TSHZ2: variants seen among roughly 807,000 people sequenced by gnomAD.
TSHZ2 encodes the protein teashirt zinc finger homeobox 2.
A neutral mutation model predicts 74.4 loss-of-function variants in TSHZ2; 21 were observed. The observed-to-expected ratio is 0.28, with a 90% CI of 0.20 to 0.41. The LOEUF is 0.41. TSHZ2 is among the 10% of genes least tolerant of loss of function. TSHZ2 has a pLI of 1.00. For synonymous variants in TSHZ2, 540 were observed against 515.3 expected (o/e 1.05, Z -0.65); for missense variants, 1,244 against 1,293.5 (o/e 0.96, Z 0.59).
At chr20:53,465,419 C>T (rs1985525281) in intron 2 of TSHZ2, among the ~76,000 whole-genome samples, 1 of 152,014 alleles carries the variant, frequency 6.6e-6, no homozygotes, top group African/African-American at 2.4e-5. Flanking sequence ...TACAGGCACC[C>T]ACCACCACAC....
Position 52,973,304 on chromosome 20 carries a change from G to C in TSHZ2, c.11G>C (p.Arg4Thr). 1 of 1,551,536 alleles carries C rather than the reference G, an allele frequency of 6.4e-7. No individual in the cohort carries two copies. The highest frequency in any genetic ancestry group is 1.2e-5 in the South Asian group (1 of 84,148). The change falls in exon 1 of 3, where the codon AGA (arginine) becomes ACA (threonine). Residue 4 changes from arginine to threonine, a missense_variant. Transcript: ENST00000371497. Reference sequence around the variant, plus strand: ...GGAGCGAAGTAGAGGATGCCGAGGAGAAAACAGCAGGCACCCAAGCGGGCG... The same window carrying C: ...GGAGCGAAGTAGAGGATGCCGAGGACAAAACAGCAGGCACCCAAGCGGGCG... MPRRKQQAPKRAAG... is the reference protein window; with the variant it reads MPRTKQQAPKRAAG...
At chr20:53,131,119 T>G (rs1432633446) in intron 1 of TSHZ2, among the ~76,000 whole-genome samples, 1 of 152,222 alleles carries the variant, frequency 6.6e-6, no homozygotes, top group Non-Finnish European at 1.5e-5. Context: ...CAGATTAGGT[T>G]GTTTATGATT....
intron 1 of TSHZ2, among the ~76,000 whole-genome samples, chr20:53,064,879 C>T (rs989772386): frequency 6.6e-6 from 1 of 152,160 alleles, no homozygotes; most frequent in African/African-American, 2.4e-5. Flanking sequence ...GATGGTAAGA[C>T]TTCTAAAGTG....
chr20:53,188,869 C>G (rs1988665629), intron 1 of TSHZ2, among the ~76,000 whole-genome samples: 1 of 151,908 alleles, frequency 6.6e-6, no homozygotes, highest in African/African-American at 2.4e-5. Context: ...AATTATATAC[C>G]TACTGTATAC....
At chr20:53,401,825 G>A (rs60070321) in intron 2 of TSHZ2, among the ~76,000 whole-genome samples, 11,740 of 131,888 alleles carry the variant, frequency 0.089, 1,536 homozygotes, top group African/African-American at 0.3. Flanking sequence ...CTCTGTTGCC[G>A]AGGCTGGAGT....
intron 1 of TSHZ2, among the ~76,000 whole-genome samples, chr20:52,990,408 T>C (rs1981936359): frequency 2.6e-5 from 3 of 117,300 alleles, no homozygotes; most frequent in South Asian, 5.9e-4. Context: ...AATATATCAA[T>C]AATCCCAATA....
intron 1 of TSHZ2, among the ~76,000 whole-genome samples, chr20:53,232,861 A>G (rs1989859639): frequency 6.6e-6 from 1 of 152,146 alleles, no homozygotes; most frequent in Non-Finnish European, 1.5e-5. Flanking sequence ...CTAAGCTAAG[A>G]GGCCATTCAG....
At chr20:53,198,415 C>A (rs1044120769) in intron 1 of TSHZ2, 3 of 152,044 alleles carry the variant, frequency 2.0e-5, no homozygotes, top group South Asian at 2.1e-4. Flanking sequence ...CTCAAAACAC[C>A]CTAGGAAGTA....
intron 1 of TSHZ2, among the ~76,000 whole-genome samples, chr20:53,170,342 A>C (rs569202116): frequency 1.3e-5 from 2 of 152,340 alleles, no homozygotes; most frequent in East Asian, 3.9e-4. Flanking sequence ...ATTCTGAAAG[A>C]GTTTTGTTCA....
At chr20:53,166,305 G>T (rs1988060558) in intron 1 of TSHZ2, among the ~76,000 whole-genome samples, 1 of 152,100 alleles carries the variant, frequency 6.6e-6, no homozygotes, top group Non-Finnish European at 1.5e-5. Context: ...TCTAAGTGTG[G>T]TGCACACAGA....
At chr20:53,435,066 C>G (rs1391255594) in intron 2 of TSHZ2, among the ~76,000 whole-genome samples, 1 of 152,182 alleles carries the variant, frequency 6.6e-6, no homozygotes, top group Non-Finnish European at 1.5e-5. Context: ...TCCCAAACAA[C>G]AAAAAAGACA....
At chr20:53,385,277 T>G (rs572847219) in intron 2 of TSHZ2, among the ~76,000 whole-genome samples, 2 of 152,164 alleles carry the variant, frequency 1.3e-5, no homozygotes, top group Non-Finnish European at 2.9e-5. Flanking sequence ...TTTTTTTTTC[T>G]CTTTGGAATG....
intron 1 of TSHZ2, among the ~76,000 whole-genome samples, chr20:53,128,932 T>G (rs1987024669): frequency 6.6e-6 from 1 of 152,172 alleles, no homozygotes; most frequent in African/African-American, 2.4e-5. Context: ...GCAGGAGCAC[T>G]TCCATATGCG....
chr20:53,187,423 C>T (rs1988626491), intron 1 of TSHZ2, among the ~76,000 whole-genome samples: 2 of 152,148 alleles, frequency 1.3e-5, no homozygotes, highest in South Asian at 2.1e-4. Context: ...ACCGGTGTCT[C>T]GAGCTTTGAT....
At chr20:53,470,766 TTGCGCCAC>T (rs765153920) in intron 2 of TSHZ2, among the ~76,000 whole-genome samples, 8 of 152,064 alleles carry the variant, frequency 5.3e-5, no homozygotes, top group Non-Finnish European at 5.9e-5. Flanking sequence ...TGAGCGGAGA[TTGCGCCAC>T]TGCACTCCAG....
intron 1 of TSHZ2, among the ~76,000 whole-genome samples, chr20:53,077,941 G>T (rs1483568772): frequency 6.6e-6 from 1 of 152,204 alleles, no homozygotes; most frequent in Non-Finnish European, 1.5e-5. Context: ...GCAGAAAATT[G>T]AAATGTGCCC....
intron 2 of TSHZ2, among the ~76,000 whole-genome samples, chr20:53,335,674 A>G (rs1436342960): frequency 6.6e-6 from 1 of 152,200 alleles, no homozygotes; most frequent in African/African-American, 2.4e-5. Context: ...GAAGGGTGAG[A>G]AGGGTGTTGA....
chr20:53,044,336 G>T (rs763071285), intron 1 of TSHZ2, among the ~76,000 whole-genome samples: 133 of 152,338 alleles, frequency 8.7e-4, no homozygotes, highest in Non-Finnish European at 1.7e-3. Flanking sequence ...ATTCCGCTCT[G>T]TAGCGTAGCC....
chr20:53,434,793 T>C (rs1482239566), intron 2 of TSHZ2, among the ~76,000 whole-genome samples: 1 of 152,264 alleles, frequency 6.6e-6, no homozygotes, highest in African/African-American at 2.4e-5. Context: ...TGTGACCATC[T>C]GCCTGGCAGC....
Sources: allele counts gnomAD v4.1 joint callset (sites outside exome capture counted in the v4.1 genomes callset), GRCh38; gene constraint gnomAD v4.1.1; transcripts MANE v1.5; gene names NCBI Gene and HGNC (gene_info 2026-07-23, HGNC 2026-07-21).